The following PLCB4 variants were observed in gnomAD, a reference collection of about 807,000 sequenced individuals.
PLCB4 encodes 1-phosphatidylinositol 4,5-bisphosphate phosphodiesterase beta-4.
PLCB4 carries 77 observed loss-of-function variants against 178.8 expected under a neutral mutation model. The observed-to-expected ratio is 0.43, with a 90% CI of 0.36 to 0.52. The LOEUF (loss-of-function observed/expected upper bound fraction) is 0.52, where lower values mean the gene tolerates loss of function less well. Among genes scored for constraint, PLCB4 ranks in the 20% least tolerant of loss-of-function variants. PLCB4 has a pLI of 0.00. For missense variants in PLCB4, 1,024 were observed against 1,453.4 expected (o/e 0.70, Z 4.80); for synonymous variants, 496 against 490.8 (o/e 1.01, Z -0.14).
At chr20:9,081,905 T>G (rs1407592459) in intron 1 of PLCB4, among the ~76,000 whole-genome samples, 3 of 151,890 alleles carry the variant, frequency 2.0e-5, no homozygotes, top group Non-Finnish European at 4.4e-5. Context: ...ATAAGTAATT[T>G]GAAAATTCTA....
At chr20:9,186,285 A>C (rs2093327487) in intron 2 of PLCB4, among the ~76,000 whole-genome samples, 1 of 152,178 alleles carries the variant, frequency 6.6e-6, no homozygotes, top group Non-Finnish European at 1.5e-5. Context: ...TAAGAGTCAA[A>C]AGAAAGTTTT....
chr20:9,130,692 G>C (rs1450348157), intron 2 of PLCB4, among the ~76,000 whole-genome samples: 1 of 152,170 alleles, frequency 6.6e-6, no homozygotes, highest in African/African-American at 2.4e-5. Context: ...ATATACTGGA[G>C]GTTGGAAATC....
intron 35 of PLCB4, among the ~76,000 whole-genome samples, chr20:9,462,616 A>G (rs1325724893): frequency 6.6e-6 from 1 of 152,222 alleles, no homozygotes; most frequent in Non-Finnish European, 1.5e-5. Flanking sequence ...GCTTCGTGAC[A>G]CATGCACAAG....
intron 2 of PLCB4, among the ~76,000 whole-genome samples, chr20:9,189,871 C>T (rs1196146253): frequency 6.6e-6 from 1 of 152,118 alleles, no homozygotes; most frequent in African/African-American, 2.4e-5. Context: ...GCTCAGTCAC[C>T]TCCTAAAGGC....
At chr20:9,240,914 C>A (rs1021677601) in intron 3 of PLCB4, among the ~76,000 whole-genome samples, 3 of 152,058 alleles carry the variant, frequency 2.0e-5, no homozygotes, top group African/African-American at 7.2e-5. Context: ...TGGTACACAC[C>A]AGAACTTTGT....
intron 2 of PLCB4, among the ~76,000 whole-genome samples, chr20:9,122,585 C>G (rs2091994331): frequency 6.6e-6 from 1 of 152,136 alleles, no homozygotes; most frequent in African/African-American, 2.4e-5. Context: ...TATAGATTAA[C>G]TAGCCATGCA....
Position 9,393,627 on chromosome 20 carries a change from A to G in PLCB4, c.1363A>G (p.Lys455Glu). 1 of 1,613,766 alleles carries G rather than the reference A, an allele frequency of 6.2e-7. No individual in the cohort carries two copies. The highest frequency in any genetic ancestry group is 8.5e-7 in the Non-Finnish European group (1 of 1,179,696). Residue 455 changes from lysine (K) to glutamate (E), a missense_variant, in exon 18 of 40, where the codon AAA becomes GAA. Physicochemically the swap from Lys to Glu is moderately conservative, Grantham distance 56. This residue lies in a region of PLCB4 where 263 missense variants were observed against 417.4 expected (regional missense o/e 0.63). Transcript: ENST00000378473. ...GRALPSPNDL[K>E]RKILIKNKRL... is the part of the protein sequence containing the mutation. ...GGCTTTGCCATCCCCCAATGACCTCAAAAGAAAAATACTCATAAAAAACAA... is the reference window on the plus strand; with the variant it reads ...GGCTTTGCCATCCCCCAATGACCTCGAAAGAAAAATACTCATAAAAAACAA...
intron 3 of PLCB4, among the ~76,000 whole-genome samples, chr20:9,256,650 A>G (rs1001025106): frequency 3.9e-5 from 6 of 152,242 alleles, no homozygotes; most frequent in African/African-American, 1.4e-4. Flanking sequence ...ATTTCGTTAC[A>G]GATACTTAAC....
At chr20:9,172,086 A>G (rs1485803843) in intron 2 of PLCB4, among the ~76,000 whole-genome samples, 1 of 152,214 alleles carries the variant, frequency 6.6e-6, no homozygotes, top group Non-Finnish European at 1.5e-5. Context: ...ATGTTTCAGT[A>G]ATAATGTTTG....
At chr20:9,277,962 A>T (rs908411882) in intron 3 of PLCB4, among the ~76,000 whole-genome samples, 2 of 152,052 alleles carry the variant, frequency 1.3e-5, no homozygotes, top group African/African-American at 2.4e-5. Context: ...TTAGTATAAG[A>T]CCAAGTGCAG....
intron 7 of PLCB4, among the ~76,000 whole-genome samples, chr20:9,362,008 T>G (rs34647223): frequency 0.067 from 10,247 of 152,304 alleles, 374 homozygotes; most frequent in Middle Eastern, 0.092. Context: ...TTCCAAGATA[T>G]TTTTCCTTCC....
rs1261943819 is a variant in PLCB4, at chr20:9,437,029, A to ACTT, written c.2643_2645dup (p.Ser882dup). 4 of 1,614,054 alleles carry ACTT rather than the reference A, an allele frequency of 2.5e-6. No individual in the cohort carries two copies. Among genetic ancestry groups the ACTT allele is most frequent in the Non-Finnish European group, 3.4e-6 (4 of 1,179,970 alleles). On this transcript the variant is annotated inframe_insertion, in exon 30 of 40. Transcript: ENST00000378473. Reference sequence around the variant, plus strand: ...TGACATAGCCGACGTGCCCAGTGACACTTCCAAAAATGACAAGAAAGGAAA... The same window carrying ACTT: ...TGACATAGCCGACGTGCCCAGTGACACTTCTTCCAAAAATGACAAGAAAGGAAA...
At chr20:9,358,068 G>A (rs1433242436) in intron 7 of PLCB4, among the ~76,000 whole-genome samples, 2 of 152,120 alleles carry the variant, frequency 1.3e-5, no homozygotes, top group Non-Finnish European at 2.9e-5. Context: ...GTTGGTCTTG[G>A]GGCCCTTTGA....
In PLCB4 at chr20:9,405,919, C is replaced by T. The variant is rs116375901; in HGVS notation, c.1647+571C>T. Among the ~76,000 whole-genome samples the T allele has an allele frequency of 5.1e-3, 771 of 152,244 alleles. 8 individuals are homozygous for T. Among genetic ancestry groups the T allele is most frequent in the African/African-American group, 0.016 (645 of 41,534 alleles). Reference sequence around the variant, plus strand: ...ACTTCATTCTCATACTTCAGAGGTTCGGAAAATACTGCCTTGCTGCCTGTG... The same window carrying T: ...ACTTCATTCTCATACTTCAGAGGTTTGGAAAATACTGCCTTGCTGCCTGTG... On this transcript the variant is annotated intron_variant, in intron 21 of 39. Transcript: ENST00000378473.
At chr20:9,420,803 C>A (rs553373248) in intron 26 of PLCB4, among the ~76,000 whole-genome samples, 1 of 152,272 alleles carries the variant, frequency 6.6e-6, no homozygotes, top group East Asian at 1.9e-4. Context: ...GATAGACTAA[C>A]ATTATAAAAC....
chr20:9,192,434 CT>C (rs1217773499), intron 2 of PLCB4, among the ~76,000 whole-genome samples: 1 of 151,916 alleles, frequency 6.6e-6, no homozygotes, highest in Non-Finnish European at 1.5e-5. Flanking sequence ...AATGTGTGAC[CT>C]GTGGAATTGC....
intron 3 of PLCB4, among the ~76,000 whole-genome samples, chr20:9,269,959 T>C (rs758507754): frequency 3.4e-4 from 51 of 152,114 alleles, no homozygotes; most frequent in Non-Finnish European, 6.9e-4. Flanking sequence ...CTCAGATGCA[T>C]AGGAGTCTTG....
intron 2 of PLCB4, among the ~76,000 whole-genome samples, chr20:9,163,230 C>T (rs1411238317): frequency 6.6e-6 from 1 of 152,018 alleles, no homozygotes; most frequent in African/African-American, 2.4e-5. Flanking sequence ...GTAAACATGT[C>T]GACTCTGTTT....
chr20:9,478,784 G>C, intron 39 of PLCB4, 137 bp from the exon 40 acceptor site: 1 of 671,658 alleles, frequency 1.5e-6, no homozygotes. Context: ...TGCTGATGCT[G>C]CTTGTACATG....
Sources: gnomAD v4.1 joint callset for allele counts (sites outside exome capture counted in the v4.1 genomes callset) on GRCh38, gnomAD v4.1.1 for gene constraint, gnomAD v4.1.1 regional missense constraint, MANE v1.5 for transcripts, NCBI Gene and HGNC (gene_info 2026-07-23, HGNC 2026-07-21) for gene names.